Variants in IKZF5 observed in about 807,000 individuals in gnomAD.
IKZF5 encodes IKAROS family zinc finger 5, also known as zinc finger protein Pegasus.
IKZF5 carries 4 observed loss-of-function variants against 30.7 expected under a neutral mutation model. That is an observed-to-expected ratio of 0.13 (90% CI 0.06 to 0.30). The LOEUF is 0.30. Ranked by LOEUF, IKZF5 falls within the 10% of genes least tolerant of loss-of-function variation. The probability of loss-of-function intolerance (pLI) is 1.00; values close to 1 mark genes in which losing one functional copy is unlikely to be tolerated. For missense variants in IKZF5, 348 were observed against 525.5 expected (o/e 0.66, Z 3.30); for synonymous variants, 148 against 179.6 (o/e 0.82, Z 1.41).
intron 2 of IKZF5, among the ~76,000 whole-genome samples, chr10:123,003,806 G>A (rs184032634): frequency 6.6e-6 from 1 of 152,256 alleles, no homozygotes; most frequent in Admixed American, 6.5e-5. Flanking sequence ...TTCCACCTTA[G>A]TCTCAAGTAA....
Position 122,994,944 on chromosome 10 carries a change from T to C in IKZF5, c.317-221A>G. 1 of 548,836 alleles carries C rather than the reference T, an allele frequency of 1.8e-6. No homozygotes were observed. The highest frequency in any genetic ancestry group is 2.4e-5 in the South Asian group (1 of 41,828). 34.0% of individuals were successfully genotyped at this position (548,836 alleles called of 1,614,324 possible). On this transcript the variant is annotated intron_variant, in intron 4 of 4. Coordinates refer to ENST00000368886, the MANE Select transcript of IKZF5 (RefSeq NM_001372123.1). This position sits in a 1 kb window ranked among gnomAD's most constrained non-coding sequence, Gnocchi z 5.6. ...CAACAACCTGAAATATGCATTGATG[T>C]TGTATTAGTCAATACAGTATAAAAA...
intron 3 of IKZF5, among the ~76,000 whole-genome samples, chr10:122,996,913 G>C (rs899353092): frequency 1.3e-5 from 2 of 152,146 alleles, no homozygotes; most frequent in Non-Finnish European, 2.9e-5. Context: ...ATTTATTTTA[G>C]TCTGAAGCAG....
chr10:122,997,502 A>G (rs1170915651), intron 3 of IKZF5: 1 of 152,200 alleles, frequency 6.6e-6, no homozygotes, highest in African/African-American at 2.4e-5. Context: ...ATTAAAACAC[A>G]GATTATAATT....
At chr10:122,995,295 A>C (rs1365090830) in intron 4 of IKZF5, among the ~76,000 whole-genome samples, 1 of 152,224 alleles carries the variant, frequency 6.6e-6, no homozygotes, top group Non-Finnish European at 1.5e-5. Context: ...TGCCAGAAGG[A>C]ACAACTATAG....
rs200500907 is a variant in IKZF5 at position 122,994,544 on chromosome 10, T to C, written c.496A>G (p.Ile166Val). 23 of 1,614,190 alleles carry C rather than the reference T, an allele frequency of 1.4e-5. No individual in the cohort carries two copies. The Admixed American group carries it at 2.0e-4, about 14-fold the overall frequency. Residue 166 changes from isoleucine (I) to valine (V), a missense_variant, in exon 5 of 5, where the codon ATT becomes GTT. By Grantham distance (29) the Ile-to-Val change is conservative. Coordinates refer to ENST00000368886, the MANE Select transcript of IKZF5 (RefSeq NM_001372123.1). This position sits in a 1 kb window ranked among gnomAD's most constrained non-coding sequence, Gnocchi z 5.6. ...CTTAAGGAAGACCTAGTACCTTTAA[T>C]TGGTACCATTTTATGCTTGCGCCTT... ...HRRRKHKMVP[I>V]KGTRSSLSSK...
At position 122,994,204 on chromosome 10, in the gene IKZF5, G is replaced by A; in HGVS notation, c.836C>T (p.Pro279Leu). The change falls in exon 5 of 5, where the codon CCC becomes CTC. Residue 279 changes from proline to leucine, a missense_variant. Pro to Leu is a moderately conservative substitution (Grantham distance 98). This residue lies in a region of IKZF5 where 176 missense variants were observed against 198.2 expected (regional missense o/e 0.89). Transcript: ENST00000368886. The surrounding 1 kb of genome is among the most constrained non-coding windows in gnomAD (Gnocchi z 5.6). ...NQNPASPDVV[P>L]CPDEKPFMIQ... ...CATGAAAGGCTTTTCATCAGGGCAG[G>A]GAACTACATCAGGGGATGCAGGGTT... 1 of 1,614,150 alleles carries A rather than the reference G, an allele frequency of 6.2e-7. No homozygotes were observed. Among genetic ancestry groups the A allele is most frequent in the East Asian group, 2.2e-5 (1 of 44,870 alleles).
At chr10:123,001,001 C>CTTCTT (rs200962140) in intron 2 of IKZF5, among the ~76,000 whole-genome samples, 2 of 150,354 alleles carry the variant, frequency 1.3e-5, no homozygotes, top group South Asian at 2.1e-4. Flanking sequence ...TTCGTTTTCT[C>CTTCTT]TTCTTTTCTT....
Position 122,993,987 on chromosome 10 carries a change from T to C in IKZF5, c.1053A>G (p.Pro351=). The change falls in exon 5 of 5, where the codon CCA becomes CCG. Residue 351 remains proline, a synonymous_variant. Coordinates refer to ENST00000368886, the MANE Select transcript of IKZF5 (RefSeq NM_001372123.1). ...GGTCCTGGACCGGCAGGGCTGGGGC[T>C]GGGGTGCTTGGCTGGCTGTTTCCTA... The part of the protein sequence containing the change: ...PSIGNSQPST[P]APALPVQDPQ... The C allele has an allele frequency of 6.2e-7, 1 of 1,614,070 alleles. No individual in the cohort carries two copies. The highest frequency in any genetic ancestry group is 1.1e-5 in the South Asian group (1 of 91,082).
In IKZF5 at chr10:122,996,163, A is replaced by AC; in HGVS notation, c.146dup (p.Asp50Ter). 6.2e-7 allele frequency: 1 copy of AC among 1,613,346 alleles called. No homozygotes were observed. Among genetic ancestry groups the AC allele is most frequent in the Non-Finnish European group, 8.5e-7 (1 of 1,179,912 alleles). On this transcript the variant is annotated frameshift_variant, in exon 4 of 5. Coordinates refer to ENST00000368886, the MANE Select transcript of IKZF5 (RefSeq NM_001372123.1). LOFTEE classifies it high-confidence loss of function. ...ATGGGTGATCAAGTCCATTTTGATC[A>AC]CCATCTGTTCCAGCTATAAACAAAG...
At chr10:123,002,364 A>G (rs1849618991) in intron 2 of IKZF5, among the ~76,000 whole-genome samples, 1 of 151,568 alleles carries the variant, frequency 6.6e-6, no homozygotes, top group Non-Finnish European at 1.5e-5. Context: ...TAAAAATACC[A>G]AAAAAATTAG....
chr10:123,002,786 TAA>T (rs371495279), intron 2 of IKZF5, among the ~76,000 whole-genome samples: 10 of 117,050 alleles, frequency 8.5e-5, no homozygotes, highest in Admixed American at 1.8e-4. Flanking sequence ...AGACTCCGTC[TAA>T]AAAAAAAAAA....
At position 122,992,292 on chromosome 10, in the gene IKZF5, A is replaced by G. The variant is rs1849189226; in HGVS notation, c.*1488T>C. 6.6e-6 allele frequency: 1 copy of G among 152,342 alleles called. No homozygotes were observed. Among genetic ancestry groups the G allele is most frequent in the East Asian group, 1.9e-4 (1 of 5,192 alleles). 9.4% of individuals were successfully genotyped at this position (152,342 alleles called of 1,614,324 possible). ...TGGCACTTGGGGGTTTTGTGGGTAC[A>G]TACCACCAATATTTCCCTTTCCTTT... On this transcript the variant is annotated 3_prime_UTR_variant, in exon 5 of 5. Transcript: ENST00000368886.
chr10:122,996,414 G>A (rs115689224), intron 3 of IKZF5, among the ~76,000 whole-genome samples: 1,818 of 152,142 alleles, frequency 0.012, 43 homozygotes, highest in African/African-American at 0.039. Context: ...CACAAGGCCA[G>A]TGCAGTGGCT....
At position 122,993,717 on chromosome 10, in the gene IKZF5, C is replaced by CA. The variant is rs1206917302; in HGVS notation, c.*62dup. On this transcript the variant is annotated 3_prime_UTR_variant, in exon 5 of 5. Transcript: ENST00000368886. ...GACACTTTATTAGGGATGACCAAAA[C>CA]AAAAAACAAAAAAAACCAAACCACA... The CA allele has an allele frequency of 8.3e-6, 10 of 1,202,420 alleles. No individual in the cohort carries two copies. Among genetic ancestry groups the CA allele is most frequent in the Admixed American group, 2.2e-5 (1 of 44,752 alleles). 74.5% of individuals were successfully genotyped at this position (1,202,420 alleles called of 1,614,324 possible).
rs963030135 is a variant in IKZF5, at chr10:122,992,062, G to C, written c.*1718C>G. On this transcript the variant is annotated 3_prime_UTR_variant, in exon 5 of 5. Transcript: ENST00000368886. ...AACTACTGCAGTAAAATGGATCTGA[G>C]CAGTCTGTGATTTAAACAACAATGT... is the stretch of plus-strand genomic sequence containing the variant. 3 of 152,212 alleles carry C rather than the reference G, an allele frequency of 2.0e-5. No homozygotes were observed. The highest frequency in any genetic ancestry group is 7.2e-5 in the African/African-American group (3 of 41,456). The allele number at this position is 152,212 out of a possible 1,614,324, so 9.4% of individuals were successfully genotyped here.
chr10:122,994,278 C>CTGATTCAA lies in IKZF5; in HGVS notation c.754_761dup (p.Gln254HisfsTer2), dbSNP rs1849277746. The CTGATTCAA allele has an allele frequency of 6.2e-7, 1 of 1,613,860 alleles. No homozygotes were observed. The highest frequency in any genetic ancestry group is 1.3e-5 in the African/African-American group (1 of 74,860). ...ACAACTGCCCTGCTAGAGTCGAGAG[C>CTGATTCAA]TGATTCAAAGGGTTATCAACCATGA... is the stretch of plus-strand genomic sequence containing the variant. On this transcript the variant is annotated stop_gained and frameshift_variant, in exon 5 of 5. Transcript: ENST00000368886. LOFTEE classifies it high-confidence loss of function. This position sits in a 1 kb window ranked among gnomAD's most constrained non-coding sequence, Gnocchi z 5.6.
rs1195627499 is a variant in IKZF5, at chr10:122,994,614, T to C, written c.426A>G (p.Leu142=). The stretch of plus-strand genomic sequence containing the variant: ...TTCGATCACTGCAGCGGAAGGAACA[T>C]AATTCACATTTGTATGGTTTTTCTC... ...HTGEKPYKCE[L]CSFRCSDRSN... The change falls in exon 5 of 5, where the codon TTA becomes TTG. Residue 142 remains leucine, a synonymous_variant. Transcript: ENST00000368886. This position sits in a 1 kb window ranked among gnomAD's most constrained non-coding sequence, Gnocchi z 5.6. 1.9e-6 allele frequency: 3 copies of C among 1,614,084 alleles called. No homozygotes were observed. The Admixed American group carries it at 5.0e-5, about 27-fold the overall frequency.
At chr10:122,998,413 G>T in intron 3 of IKZF5, 80 bp downstream of exon 3, 1 of 1,184,066 alleles carries the variant, frequency 8.4e-7, no homozygotes, top group Non-Finnish European at 1.2e-6. Flanking sequence ...AATGCGCAGT[G>T]GTCTTCACAG....
At chr10:123,005,259 C>G (rs527307125) in intron 2 of IKZF5, among the ~76,000 whole-genome samples, 1 of 152,302 alleles carries the variant, frequency 6.6e-6, no homozygotes, top group Admixed American at 6.5e-5. Context: ...AAAGTTTAAT[C>G]TAGGAACTCC....
Sources: gnomAD v4.1 joint callset for allele counts (sites outside exome capture counted in the v4.1 genomes callset) on GRCh38, gnomAD v4.1.1 for gene constraint, gnomAD v4.1.1 regional missense constraint, Gnocchi (gnomAD v3.1) non-coding constraint, MANE v1.5 for transcripts, NCBI Gene and HGNC (gene_info 2026-07-23, HGNC 2026-07-21) for gene names.